The following CREB5 variants were observed in gnomAD, a reference collection of about 807,000 sequenced individuals.
CREB5 encodes the protein cyclic AMP-responsive element-binding protein 5.
Under a neutral mutation model 57.1 loss-of-function variants are expected in CREB5, and 19 were observed. That is an observed-to-expected ratio of 0.33 (90% CI 0.23 to 0.49). The LOEUF is 0.49. Among genes scored for constraint, CREB5 ranks in the 20% least tolerant of loss-of-function variants. CREB5 has a pLI of 0.99. For synonymous variants in CREB5, 238 were observed against 238.3 expected (o/e 1.00, Z 0.01); for missense variants, 579 against 671.6 (o/e 0.86, Z 1.52).
intron 1 of CREB5, among the ~76,000 whole-genome samples, chr7:28,340,031 G>T (rs921140563): frequency 6.6e-5 from 10 of 152,174 alleles, no homozygotes; most frequent in Non-Finnish European, 1.5e-4. Flanking sequence ...ACCCCTCAGG[G>T]TAGTGGGTTC....
intron 4 of CREB5, among the ~76,000 whole-genome samples, chr7:28,551,443 T>G (rs532411190): frequency 4.8e-4 from 73 of 152,192 alleles, no homozygotes; most frequent in African/African-American, 1.7e-3. Context: ...ACACCTCCCC[T>G]CTGTAATTCC....
upstream of CREB5, among the ~76,000 whole-genome samples, chr7:28,408,415 G>A (rs1402379316): frequency 6.6e-6 from 1 of 152,170 alleles, no homozygotes; most frequent in African/African-American, 2.4e-5. Flanking sequence ...TCAGCAGGGG[G>A]ATGGTGACAG....
chr7:28,686,246 T>C, intron 5 of CREB5: 1 of 1,463,104 alleles, frequency 6.8e-7, no homozygotes. Flanking sequence ...TAGATTTTTT[T>C]TGCCCCTACT....
intron 1 of CREB5, among the ~76,000 whole-genome samples, chr7:28,392,536 T>C (rs1787241860): frequency 6.6e-6 from 1 of 152,212 alleles, no homozygotes; most frequent in African/African-American, 2.4e-5. Flanking sequence ...ACAGCCCAGG[T>C]TTATGTGGGA....
intron 1 of CREB5, among the ~76,000 whole-genome samples, chr7:28,361,868 A>G: frequency 6.6e-6 from 1 of 152,228 alleles, no homozygotes. Context: ...GTAGCCTAAC[A>G]AAACAGCAAA....
chr7:28,387,536 G>A (rs988609149), intron 1 of CREB5, among the ~76,000 whole-genome samples: 15 of 152,028 alleles, frequency 9.9e-5, no homozygotes, highest in South Asian at 4.2e-4. Flanking sequence ...TTGTCTGTTC[G>A]TTCTGATGAT....
intron 7 of CREB5, among the ~76,000 whole-genome samples, chr7:28,746,439 C>T (rs967380886): frequency 2.0e-5 from 3 of 152,178 alleles, no homozygotes; most frequent in Non-Finnish European, 4.4e-5. Context: ...ACAGCACCAC[C>T]GGGGAGCCCT....
intron 4 of CREB5, among the ~76,000 whole-genome samples, chr7:28,536,863 G>C (rs1343767054): frequency 6.6e-6 from 1 of 152,152 alleles, no homozygotes; most frequent in Non-Finnish European, 1.5e-5. Flanking sequence ...GGACGGTTAA[G>C]TTACTTGCCT....
chr7:28,403,078 A>C (rs985195452), intron 1 of CREB5, among the ~76,000 whole-genome samples: 1 of 152,250 alleles, frequency 6.6e-6, no homozygotes, highest in Non-Finnish European at 1.5e-5. Flanking sequence ...TGGTGTAAAA[A>C]TGCATTTGTA....
rs113802632 is a variant in CREB5 at position 28,700,519 on chromosome 7, C to A, written c.465-18234C>A. 1.3e-3 allele frequency among the ~76,000 whole-genome samples: 191 copies of A among 152,148 alleles called. 1 individual carries two copies. The highest frequency in any genetic ancestry group is 1.8e-3 in the Non-Finnish European group (121 of 67,972). On this transcript the variant is annotated intron_variant, in intron 5 of 10. Coordinates refer to ENST00000357727, the MANE Select transcript of CREB5 (RefSeq NM_182898.4). The stretch of plus-strand genomic sequence containing the variant: ...CTGAGTAAAAGTTTAACAACAACAA[C>A]AAAAAAACTTTAAAAATAATTTTAG...
chr7:28,733,366 G>C (rs773132425), intron 7 of CREB5, among the ~76,000 whole-genome samples: 1 of 152,134 alleles, frequency 6.6e-6, no homozygotes, highest in African/African-American at 2.4e-5. Context: ...GTTTGGTCCA[G>C]TGTTCCTACC....
At chr7:28,707,301 A>C (rs1802163048) in intron 5 of CREB5, among the ~76,000 whole-genome samples, 1 of 152,236 alleles carries the variant, frequency 6.6e-6, no homozygotes, top group South Asian at 2.1e-4. Context: ...GATCGTCTTC[A>C]AAGGGCTAAG....
chr7:28,778,251 T>C (rs1321168760), intron 7 of CREB5, among the ~76,000 whole-genome samples: 1 of 152,214 alleles, frequency 6.6e-6, no homozygotes, highest in Non-Finnish European at 1.5e-5. Context: ...ACTATTCGAT[T>C]AGTAAAAAGG....
At chr7:28,405,093 G>A (rs1787548369) in intron 1 of CREB5, among the ~76,000 whole-genome samples, 1 of 152,188 alleles carries the variant, frequency 6.6e-6, no homozygotes, top group Non-Finnish European at 1.5e-5. Flanking sequence ...CAGTGTTGTG[G>A]TTTTCACAGT....
intron 7 of CREB5, among the ~76,000 whole-genome samples, chr7:28,783,971 C>T (rs1216040797): frequency 3.3e-5 from 5 of 152,190 alleles, no homozygotes; most frequent in South Asian, 4.1e-4. Flanking sequence ...TACCCACCAA[C>T]GAGTGATAAC....
chr7:28,647,222 A>G (rs1798923573), intron 5 of CREB5, among the ~76,000 whole-genome samples: 1 of 151,370 alleles, frequency 6.6e-6, no homozygotes, highest in Non-Finnish European at 1.5e-5. Context: ...ACTGGCCACT[A>G]TCACTGCTGA....
At chr7:28,300,702 T>C (rs1785085736) in intron 1 of CREB5, among the ~76,000 whole-genome samples, 1 of 152,232 alleles carries the variant, frequency 6.6e-6, no homozygotes, top group Admixed American at 6.5e-5. Flanking sequence ...ATGAAACACA[T>C]TTCACACGGA....
At chr7:28,492,698 G>A (rs919237810) in intron 2 of CREB5, among the ~76,000 whole-genome samples, 1 of 149,434 alleles carries the variant, frequency 6.7e-6, no homozygotes, top group Non-Finnish European at 1.5e-5. Flanking sequence ...TTACCATGTT[G>A]TGTATTTTTG....
chr7:28,552,339 T>G (rs1306907859), intron 4 of CREB5, among the ~76,000 whole-genome samples: 1 of 152,160 alleles, frequency 6.6e-6, no homozygotes, highest in Non-Finnish European at 1.5e-5. Context: ...ACCAATTTAT[T>G]TCTAACTAGC....
Sources: allele counts gnomAD v4.1 joint callset (sites outside exome capture counted in the v4.1 genomes callset), GRCh38; gene constraint gnomAD v4.1.1; transcripts MANE v1.5; gene names NCBI Gene and HGNC (gene_info 2026-07-23, HGNC 2026-07-21).